Variants in NIT2 observed in about 807,000 individuals in gnomAD.
The protein encoded by NIT2 is nitrilase family member 2.
A neutral mutation model predicts 42.7 loss-of-function variants in NIT2; 46 were observed. The observed-to-expected ratio is 1.08, with a 90% CI of 0.85 to 1.38. The LOEUF is 1.38. NIT2 is among the 40% of genes most tolerant of loss of function. NIT2 has a pLI of 0.00. For missense variants in NIT2, 309 were observed against 342.5 expected (o/e 0.90, Z 0.77); for synonymous variants, 123 against 121.9 (o/e 1.01, Z -0.06).
rs1706324226 is a variant in NIT2 at position 100,356,256 on chromosome 3, C to T, written c.*988C>T. ...ACATGGGCCAGTAATTGTTGAACAACCAGCTATTTGAGAAAAAGCCCTGAT... is the reference window on the plus strand; with the variant it reads ...ACATGGGCCAGTAATTGTTGAACAATCAGCTATTTGAGAAAAAGCCCTGAT... On this transcript the variant is annotated 3_prime_UTR_variant, in exon 10 of 10. Transcript: ENST00000394140. 2 of 152,160 alleles carry T rather than the reference C, an allele frequency of 1.3e-5. No individual in the cohort carries two copies. Among genetic ancestry groups the T allele is most frequent in the African/African-American group, 4.8e-5 (2 of 41,430 alleles). 9.4% of individuals were successfully genotyped at this position (152,160 alleles called of 1,614,324 possible). A position where few individuals can be genotyped will look rare whatever the true frequency, so the allele number is the denominator to read the frequency against.
Position 100,361,027 on chromosome 3 carries a change from C to T in NIT2, c.*5759C>T, listed in dbSNP as rs1452970210. On this transcript the variant is annotated 3_prime_UTR_variant, in exon 10 of 10. Transcript: ENST00000394140. ...TCCCATGGGATCTGTGGCTCAAACT[C>T]ATGTTGCTTGCTATGTTCTAAATAA... 3.9e-5 allele frequency: 6 copies of T among 152,760 alleles called. No individual in the cohort carries two copies. Among genetic ancestry groups the T allele is most frequent in the Non-Finnish European group, 8.8e-5 (6 of 68,060 alleles). The allele number at this position is 152,760 out of a possible 1,614,324, so 9.5% of individuals were successfully genotyped here.
chr3:100,347,904 T>G (rs1019691253), intron 6 of NIT2, among the ~76,000 whole-genome samples: 12 of 152,206 alleles, frequency 7.9e-5, no homozygotes, highest in African/African-American at 2.9e-4. Flanking sequence ...TTCCTTTTTT[T>G]TTTTGAGACA....
At chr3:100,344,557 T>C (rs113582491) in intron 4 of NIT2, among the ~76,000 whole-genome samples, 4 of 152,248 alleles carry the variant, frequency 2.6e-5, no homozygotes, top group Non-Finnish European at 5.9e-5. Flanking sequence ...TCTCTCAATT[T>C]CTTTTTATAG....
At chr3:100,346,626 A>G (rs1231828711) in intron 6 of NIT2, among the ~76,000 whole-genome samples, 3 of 152,296 alleles carry the variant, frequency 2.0e-5, no homozygotes, top group East Asian at 3.9e-4. Flanking sequence ...TTTGGTCCAG[A>G]CGAGGAGAAA....
chr3:100,352,264 G>T (rs556962211), intron 7 of NIT2, 140 bp from the exon 8 acceptor site: 4 of 566,516 alleles, frequency 7.1e-6, no homozygotes, highest in South Asian at 2.0e-5. Flanking sequence ...TAAAGAGAAG[G>T]TTCCATGGCT....
intron 5 of NIT2, 103 bp from the exon 6 acceptor site, chr3:100,346,078 C>A: frequency 1.2e-6 from 1 of 856,068 alleles, no homozygotes; most frequent in Non-Finnish European, 1.9e-6. Context: ...GTTAATTTAT[C>A]CCTGTCAGTG....
At position 100,360,992 on chromosome 3, in the gene NIT2, C is replaced by A. The variant is rs1163228940; in HGVS notation, c.*5724C>A. The stretch of plus-strand genomic sequence containing the variant: ...CATGTGCAGTATCCACCTAGCTTGC[C>A]CTGTGTCACTCCCATGGGATCTGTG... On this transcript the variant is annotated 3_prime_UTR_variant, in exon 10 of 10. Transcript: ENST00000394140. 1 of 152,518 alleles carries A rather than the reference C, an allele frequency of 6.6e-6. No homozygotes were observed. The highest frequency in any genetic ancestry group is 2.4e-5 in the African/African-American group (1 of 41,534). The allele number at this position is 152,518 out of a possible 1,614,324, so 9.4% of individuals were successfully genotyped here.
At chr3:100,339,491 T>C (rs1706123225) in intron 2 of NIT2, among the ~76,000 whole-genome samples, 1 of 152,222 alleles carries the variant, frequency 6.6e-6, no homozygotes, top group East Asian at 1.9e-4. Context: ...TACTCAGTGC[T>C]TGGATACTTT....
chr3:100,341,731 C>T (rs1706156826), intron 4 of NIT2, among the ~76,000 whole-genome samples: 1 of 151,742 alleles, frequency 6.6e-6, no homozygotes, highest in Admixed American at 6.6e-5. Flanking sequence ...GAAGAGTTGC[C>T]ATCTTTTTAG....
At chr3:100,341,448 TA>T (rs1706150448) in intron 4 of NIT2, among the ~76,000 whole-genome samples, 1 of 151,862 alleles carries the variant, frequency 6.6e-6, no homozygotes, top group Admixed American at 6.6e-5. Context: ...GGCTCACTGC[TA>T]GCTCTGCCTC....
At chr3:100,338,265 A>G (rs72941434) in intron 1 of NIT2, among the ~76,000 whole-genome samples, 15,522 of 152,252 alleles carry the variant, frequency 0.1, 1,121 homozygotes, top group African/African-American at 0.2. Context: ...TGTGGGGCCC[A>G]GTTCCCTTGT....
At chr3:100,354,622 A>C in intron 8 of NIT2, 150 bp from the exon 9 acceptor site, 1 of 489,360 alleles carries the variant, frequency 2.0e-6, no homozygotes, top group Non-Finnish European at 3.6e-6. Context: ...AGAGCTATTT[A>C]AATGATAGAA....
chr3:100,350,193 G>C (rs1362927802), intron 7 of NIT2, among the ~76,000 whole-genome samples: 2 of 152,040 alleles, frequency 1.3e-5, no homozygotes, highest in East Asian at 3.9e-4. Flanking sequence ...GTTTTAGCTG[G>C]TTGCATGGTG....
chr3:100,341,327 A>G (rs539975584), intron 4 of NIT2, among the ~76,000 whole-genome samples, 166 bp downstream of exon 4: 1 of 152,270 alleles, frequency 6.6e-6, no homozygotes, highest in South Asian at 2.1e-4. Flanking sequence ...GCATTTTTAT[A>G]TAAGTTTTAG....
intron 6 of NIT2, among the ~76,000 whole-genome samples, chr3:100,348,006 T>G (rs1397617172): frequency 6.6e-6 from 1 of 152,170 alleles, no homozygotes; most frequent in Non-Finnish European, 1.5e-5. Context: ...TTCTCCTGCC[T>G]CAGCCTCCCC....
At chr3:100,354,240 C>G (rs1706302574) in intron 8 of NIT2, among the ~76,000 whole-genome samples, 1 of 152,230 alleles carries the variant, frequency 6.6e-6, no homozygotes, top group Non-Finnish European at 1.5e-5. Flanking sequence ...AACTGAAGCC[C>G]ATTAACACAG....
intron 7 of NIT2, chr3:100,349,108 CTTTTTT>C: frequency 8.7e-6 from 2 of 229,428 alleles, no homozygotes; most frequent in Non-Finnish European, 8.3e-6. Flanking sequence ...GGAAACTGTA[CTTTTTT>C]TTTTTTTTTT....
chr3:100,345,563 A>G (rs766919664), intron 4 of NIT2, 22 bp from the exon 5 acceptor site: 6 of 1,546,624 alleles, frequency 3.9e-6, no homozygotes, highest in Middle Eastern at 1.7e-4. Context: ...AGAGGTAACC[A>G]AATCCATTAT....
rs1418158199 is a variant in NIT2 at position 100,356,939 on chromosome 3, C to G, written c.*1671C>G. ...GGAACTCAAAATTACTTCTTTCACTCAAAATCACTCAAAATTACATACTCT... is the reference window on the plus strand; with the variant it reads ...GGAACTCAAAATTACTTCTTTCACTGAAAATCACTCAAAATTACATACTCT... On this transcript the variant is annotated 3_prime_UTR_variant, in exon 10 of 10. Transcript: ENST00000394140. 6.6e-6 allele frequency: 1 copy of G among 152,188 alleles called. No individual in the cohort carries two copies. Among genetic ancestry groups the G allele is most frequent in the Non-Finnish European group, 1.5e-5 (1 of 68,032 alleles). The allele number at this position is 152,188 out of a possible 1,614,324, so 9.4% of individuals were successfully genotyped here. A position where few individuals can be genotyped will look rare whatever the true frequency, so the allele number is the denominator to read the frequency against.
Sources: allele counts gnomAD v4.1 joint callset (sites outside exome capture counted in the v4.1 genomes callset), GRCh38; gene constraint gnomAD v4.1.1; transcripts MANE v1.5; gene names NCBI Gene and HGNC (gene_info 2026-07-23, HGNC 2026-07-21).